HABP2: variants seen among roughly 807,000 people sequenced by gnomAD.
HABP2 encodes the protein hyaluronan binding protein 2, also known as factor VII-activating protease.
Under a neutral mutation model 66.5 loss-of-function variants are expected in HABP2, and 65 were observed. The ratio of observed to expected loss-of-function variants is 0.98; its 90% CI spans 0.80 to 1.20. The LOEUF is 1.20. HABP2 is among the 50% of genes most tolerant of loss of function. The probability of loss-of-function intolerance (pLI) is 0.00; values close to 1 mark genes in which losing one functional copy is unlikely to be tolerated. For synonymous variants in HABP2, 263 were observed against 253.9 expected, an observed-to-expected ratio of 1.04 and a Z score of -0.34; for missense variants, 786 against 691.0, an observed-to-expected ratio of 1.14 and a Z score of -1.54.
chr10:113,582,556 G>A (rs1845560211), intron 9 of HABP2, among the ~76,000 whole-genome samples: 1 of 152,128 alleles, frequency 6.6e-6, no homozygotes, highest in Non-Finnish European at 1.5e-5. Context: ...GAAGTTGTAT[G>A]GAAAGTTAAG....
intron 1 of HABP2, among the ~76,000 whole-genome samples, chr10:113,566,020 A>G (rs770284733): frequency 1.3e-5 from 2 of 152,176 alleles, no homozygotes; most frequent in Non-Finnish European, 2.9e-5. Context: ...TTCCTAATTT[A>G]TCATCTACCT....
At chr10:113,564,588 G>A (rs1845162497) in intron 1 of HABP2, among the ~76,000 whole-genome samples, 1 of 152,122 alleles carries the variant, frequency 6.6e-6, no homozygotes. Context: ...CACAGTCCCC[G>A]ATAACAAATG....
Position 113,589,457 on chromosome 10 carries a change from T to C in HABP2, c.*1088T>C, listed in dbSNP as rs886046753. On this transcript the variant is annotated 3_prime_UTR_variant, in exon 13 of 13. Coordinates refer to ENST00000351270, the MANE Select transcript of HABP2 (RefSeq NM_004132.5). ...CTCTGCAGAACTAATGGCTGTGACT[T>C]CAGAGAAAGCCCTGCAGGAAGTTTA... 1 of 625,266 alleles carries C rather than the reference T, an allele frequency of 1.6e-6. No individual in the cohort carries two copies. The highest frequency in any genetic ancestry group is 2.7e-6 in the Non-Finnish European group (1 of 364,962). 38.7% of individuals were successfully genotyped at this position (625,266 alleles called of 1,614,324 possible).
Position 113,578,664 on chromosome 10 carries a change from C to A in HABP2, c.606C>A (p.Tyr202Ter). The A allele has an allele frequency of 6.2e-7, 1 of 1,612,954 alleles. No individual in the cohort carries two copies. Among genetic ancestry groups the A allele is most frequent in the Non-Finnish European group, 8.5e-7 (1 of 1,179,102 alleles). The change falls in exon 7 of 13, where the codon TAC becomes TAA. Residue 202 changes from tyrosine to a stop codon, truncating the protein, a stop_gained. Coordinates refer to ENST00000351270, the MANE Select transcript of HABP2 (RefSeq NM_004132.5). LOFTEE classifies it high-confidence loss of function. Reference protein sequence around the residue: ...DDCYVGDGYSYRGKMNRTVNQ... With the variant: ...DDCYVGDGYS The stretch of plus-strand genomic sequence containing the variant: ...GCTATGTTGGCGATGGCTACTCTTA[C>A]CGAGGGAAAATGAATAGGACAGTCA...
At chr10:113,558,209 CGG>C in intron 1 of HABP2, among the ~76,000 whole-genome samples, 1 of 152,356 alleles carries the variant, frequency 6.6e-6, no homozygotes, top group South Asian at 2.1e-4. Flanking sequence ...CGAGTCTTGC[CGG>C]CTAGCAAACC....
rs1592708524 is a variant in HABP2, at chr10:113,589,143, T to C, written c.*774T>C. 7.4e-7 allele frequency: 1 copy of C among 1,351,294 alleles called. No homozygotes were observed. Among genetic ancestry groups the C allele is most frequent in the East Asian group, 2.4e-5 (1 of 42,514 alleles). The allele number at this position is 1,351,294 out of a possible 1,614,324, so 83.7% of individuals were successfully genotyped here. On this transcript the variant is annotated 3_prime_UTR_variant, in exon 13 of 13. Coordinates refer to ENST00000351270, the MANE Select transcript of HABP2 (RefSeq NM_004132.5). ...CCCCCACCCCCACTCCCGGCCCCGG[T>C]TCCCACAGGACACGCTAAGAAGCAC...
intron 1 of HABP2, among the ~76,000 whole-genome samples, chr10:113,563,483 A>T (rs1435370208): frequency 1.3e-5 from 2 of 152,194 alleles, no homozygotes; most frequent in African/African-American, 4.8e-5. Context: ...GTGAGTCACA[A>T]AATGAGTGAC....
chr10:113,554,351 C>T (rs1326071943), intron 1 of HABP2, among the ~76,000 whole-genome samples: 1 of 152,178 alleles, frequency 6.6e-6, no homozygotes, highest in Non-Finnish European at 1.5e-5. Context: ...CATTTCACTC[C>T]ATAGAGCGTT....
intron 1 of HABP2, among the ~76,000 whole-genome samples, chr10:113,557,427 A>G (rs1845017866): frequency 6.6e-6 from 1 of 152,244 alleles, no homozygotes; most frequent in African/African-American, 2.4e-5. Context: ...TTTATATTTT[A>G]AATTCATTAG....
At chr10:113,576,190 TG>T (rs1845406179) in intron 4 of HABP2, among the ~76,000 whole-genome samples, 186 bp downstream of exon 4, 3 of 152,180 alleles carry the variant, frequency 2.0e-5, no homozygotes, top group Admixed American at 2.0e-4. Context: ...CACTGTGAGA[TG>T]GAACTAGTAC....
chr10:113,579,456 G>T (rs1440796441), intron 7 of HABP2, among the ~76,000 whole-genome samples: 3 of 152,132 alleles, frequency 2.0e-5, no homozygotes, highest in African/African-American at 7.2e-5. Context: ...ATACTTTGTT[G>T]GTCAGAAATA....
chr10:113,578,995 G>A (rs576383495), intron 7 of HABP2, among the ~76,000 whole-genome samples, 197 bp downstream of exon 7: 79 of 152,072 alleles, frequency 5.2e-4, no homozygotes, highest in Middle Eastern at 6.8e-3. Context: ...TGTGGTTCAT[G>A]CCTGTAATCC....
chr10:113,588,158 G>A, intron 12 of HABP2, 47 bp from the exon 13 acceptor site: 1 of 1,514,982 alleles, frequency 6.6e-7, no homozygotes, highest in Non-Finnish European at 8.9e-7. Flanking sequence ...GGCATCTCCA[G>A]ATGTCTCTGG....
In HABP2 at chr10:113,577,210, C is replaced by T; in HGVS notation, c.392C>T (p.Pro131Leu). The change falls in exon 5 of 13, where the codon CCT (proline) becomes CTT (leucine). Residue 131 changes from proline to leucine, a missense_variant. Physicochemically the swap from Pro to Leu is moderately conservative, Grantham distance 98. Transcript: ENST00000351270. ...GRGQCLITQSPPYYRCVCKHP... is the reference protein window; with the variant it reads ...GRGQCLITQSLPYYRCVCKHP... ...GGCCAATGTCTCATTACCCAGAGTC[C>T]TCCCTACTACCGCTGTGTCTGTAAA... 6.2e-7 allele frequency: 1 copy of T among 1,613,332 alleles called. No individual in the cohort carries two copies. Among genetic ancestry groups the T allele is most frequent in the African/African-American group, 1.3e-5 (1 of 75,026 alleles).
upstream of HABP2, among the ~76,000 whole-genome samples, chr10:113,552,321 C>T (rs1266886191): frequency 1.3e-5 from 2 of 152,148 alleles, no homozygotes; most frequent in Non-Finnish European, 2.9e-5. Context: ...TTAAAGAGAT[C>T]AATTGTGTCC....
Position 113,553,148 on chromosome 10 carries a change from T to C in HABP2, c.27T>C (p.His9=), listed in dbSNP as rs1592678321. 8.7e-6 allele frequency: 14 copies of C among 1,613,682 alleles called. No homozygotes were observed. Among genetic ancestry groups the C allele is most frequent in the Non-Finnish European group, 1.2e-5 (14 of 1,179,566 alleles). Residue 9 remains histidine, a synonymous_variant, in exon 1 of 13, where the codon CAT becomes CAC. Transcript: ENST00000351270. MFARMSDL[H]VLLLMALVGK... ...TGTTTGCCAGGATGTCTGATCTCCA[T>C]GTTCTGCTGTTAATGGCTCTGGTGG...
In HABP2 at chr10:113,571,681, TGAG is replaced by T. The variant is rs553130826; in HGVS notation, c.107-2606_107-2604del. 1.4e-4 allele frequency among the ~76,000 whole-genome samples: 22 copies of T among 152,266 alleles called. No homozygotes were observed. In the East Asian group the frequency reaches 3.9e-3, roughly 27 times the overall value. ...TGAAGCAGAGTTTCACTGTGGAACTTGAGGGCGCCAGGCCTAGACTTGGTCACT... is the reference window on the plus strand; with the variant it reads ...TGAAGCAGAGTTTCACTGTGGAACTTGGCGCCAGGCCTAGACTTGGTCACT... On this transcript the variant is annotated intron_variant, in intron 2 of 12. Transcript: ENST00000351270.
At chr10:113,573,879 T>G (rs148063014) in intron 2 of HABP2, among the ~76,000 whole-genome samples, 31 of 152,304 alleles carry the variant, frequency 2.0e-4, no homozygotes, top group African/African-American at 7.5e-4. Flanking sequence ...TCAAGTATAG[T>G]GTGATCTGAC....
At chr10:113,574,865 T>C (rs1303755057) in intron 3 of HABP2, among the ~76,000 whole-genome samples, 2 of 152,164 alleles carry the variant, frequency 1.3e-5, no homozygotes, top group Non-Finnish European at 1.5e-5. Context: ...GCCAGAACTT[T>C]TCCTTCCCTT....
Sources: allele counts gnomAD v4.1 joint callset (sites outside exome capture counted in the v4.1 genomes callset), GRCh38; gene constraint gnomAD v4.1.1; transcripts MANE v1.5; gene names NCBI Gene and HGNC (gene_info 2026-07-23, HGNC 2026-07-21).